Variants in ANO4 observed in about 807,000 individuals in gnomAD.
The protein encoded by ANO4 is anoctamin 4, also known as anoctamin-4.
Under a neutral mutation model 141.9 loss-of-function variants are expected in ANO4, and 69 were observed. That is an observed-to-expected ratio of 0.49 (90% CI 0.40 to 0.59). ANO4 has a LOEUF of 0.59. ANO4 is among the 20% of genes least tolerant of loss of function. The probability of loss-of-function intolerance (pLI) is 0.00; values close to 1 mark genes in which losing one functional copy is unlikely to be tolerated. For synonymous variants in ANO4, 350 were observed against 394.3 expected (o/e 0.89, Z 1.33); for missense variants, 894 against 1,162.2 (o/e 0.77, Z 3.36).
Position 100,803,943 on chromosome 12 carries a change from C to CT in ANO4, c.-141+8927dup, listed in dbSNP as rs1019965371. 6.9e-4 allele frequency among the ~76,000 whole-genome samples: 102 copies of CT among 147,254 alleles called. 1 individual carries two copies. In the East Asian group the frequency reaches 8.1e-3, roughly 12 times the overall value. On this transcript the variant is annotated intron_variant, in intron 1 of 27. Transcript: ENST00000392977. ...ATATGTATTTTCCCCCTTAGCAGAG[C>CT]TTTTTTTTTTTCTTCTTCAACTTTT... is the stretch of plus-strand genomic sequence containing the variant.
intron 25 of ANO4, among the ~76,000 whole-genome samples, chr12:101,119,706 A>G (rs1326613429): frequency 1.3e-5 from 2 of 152,216 alleles, no homozygotes; most frequent in African/African-American, 4.8e-5. Flanking sequence ...ACAAATGCAT[A>G]TACATATAAG....
At chr12:100,822,714 G>A (rs1334417912) in intron 1 of ANO4, among the ~76,000 whole-genome samples, 1 of 151,974 alleles carries the variant, frequency 6.6e-6, no homozygotes, top group African/African-American at 2.4e-5. Context: ...ACTTGATAAG[G>A]TGAGGTGAGG....
chr12:101,048,024 A>G (rs779065152), intron 13 of ANO4: 16 of 1,080,610 alleles, frequency 1.5e-5, no homozygotes, highest in Non-Finnish European at 1.8e-5. Context: ...AACTATATCC[A>G]TACACATATG....
intron 1 of ANO4, among the ~76,000 whole-genome samples, chr12:100,839,909 T>A (rs1190702702): frequency 6.6e-6 from 1 of 152,164 alleles, no homozygotes; most frequent in African/African-American, 2.4e-5. Flanking sequence ...ATAATCACAC[T>A]GCCCGTCTTC....
chr12:100,755,380 G>A lies in ANO4; in HGVS notation c.358+15275G>A, dbSNP rs80093727. ...ATGCTTCTTCCTGTGTGATCCCATA[G>A]CACCTTATTCAGATGATTAGCCACC... On this transcript the variant is annotated intron_variant, in intron 3 of 29. Transcript: ENST00000644049. 3.3e-5 allele frequency among the ~76,000 whole-genome samples: 5 copies of A among 152,258 alleles called. No individual in the cohort carries two copies. The East Asian group carries it at 9.7e-4, about 29-fold the overall frequency.
At chr12:100,845,770 G>A (rs1264458536) in intron 1 of ANO4, among the ~76,000 whole-genome samples, 1 of 152,170 alleles carries the variant, frequency 6.6e-6, no homozygotes, top group East Asian at 1.9e-4. Context: ...TTATCATAAT[G>A]TTGTTTTTAG....
Position 100,970,044 on chromosome 12 carries a change from G to A in ANO4, c.457-1262G>A, listed in dbSNP as rs566292827. On this transcript the variant is annotated intron_variant, in intron 5 of 27. Transcript: ENST00000392977. The stretch of plus-strand genomic sequence containing the variant: ...TGAAGTCCTAATTTTACTTCCCTAT[G>A]TTCTGGGTTGATAAAAAGCCCTGAA... 1.1e-3 allele frequency among the ~76,000 whole-genome samples: 170 copies of A among 152,238 alleles called. 1 individual carries two copies. The highest frequency in any genetic ancestry group is 9.7e-3 in the South Asian group (47 of 4,822).
At chr12:101,024,750 C>T (rs1336680479) in intron 9 of ANO4, among the ~76,000 whole-genome samples, 4 of 152,138 alleles carry the variant, frequency 2.6e-5, no homozygotes, top group Admixed American at 2.0e-4. Flanking sequence ...TAATTCATTA[C>T]AAAGGTATTT....
chr12:100,967,087 T>G (rs1460240968), intron 5 of ANO4, among the ~76,000 whole-genome samples: 1 of 152,090 alleles, frequency 6.6e-6, no homozygotes, highest in Non-Finnish European at 1.5e-5. Flanking sequence ...AAAAAAAATT[T>G]TGTGTGTGAA....
upstream of ANO4, among the ~76,000 whole-genome samples, chr12:100,792,867 G>A (rs573193548): frequency 2.0e-5 from 3 of 152,286 alleles, no homozygotes; most frequent in East Asian, 3.9e-4. Context: ...GTCAGAAGCC[G>A]TTAATGCAGA....
chr12:101,040,163 AAAGAGCCTG>A, intron 11 of ANO4, 87 bp downstream of exon 11: 1 of 1,479,678 alleles, frequency 6.8e-7, no homozygotes, highest in Non-Finnish European at 9.0e-7. Context: ...AATGAAGCAA[AAAGAGCCTG>A]AAGTGTACAG....
chr12:100,747,668 T>G (rs1206199337), intron 3 of ANO4, among the ~76,000 whole-genome samples: 4 of 151,978 alleles, frequency 2.6e-5, no homozygotes, highest in African/African-American at 9.7e-5. Context: ...AGGTCAGGAG[T>G]TCGAGATCAC....
chr12:100,740,171 C>T, intron 3 of ANO4: 2 of 684,880 alleles, frequency 2.9e-6, no homozygotes, highest in East Asian at 2.7e-5. Flanking sequence ...ATGCATTTGC[C>T]TGCTGAATAA....
intron 9 of ANO4, among the ~76,000 whole-genome samples, chr12:101,021,983 G>C (rs776983815): frequency 7.1e-6 from 1 of 140,530 alleles, no homozygotes; most frequent in African/African-American, 2.7e-5. Context: ...AAGAGGAACA[G>C]ATTTGAGAGT....
At chr12:100,740,234 A>G (rs938434498) in intron 3 of ANO4, 10 of 622,130 alleles carry the variant, frequency 1.6e-5, no homozygotes, top group African/African-American at 7.3e-5. Flanking sequence ...CAATACCTCT[A>G]TGTTCATACT....
At chr12:100,846,710 G>C (rs545070643) in intron 1 of ANO4, among the ~76,000 whole-genome samples, 1 of 152,224 alleles carries the variant, frequency 6.6e-6, no homozygotes, top group Non-Finnish European at 1.5e-5. Flanking sequence ...ATTCGATACT[G>C]TGCATAGGTA....
At chr12:101,120,115 T>C (rs1056116838) in intron 25 of ANO4, among the ~76,000 whole-genome samples, 1 of 152,096 alleles carries the variant, frequency 6.6e-6, no homozygotes, top group Non-Finnish European at 1.5e-5. Context: ...CTCTCTGCTG[T>C]CTCTGCTTTG....
chr12:100,814,211 T>C (rs12311571), intron 1 of ANO4, among the ~76,000 whole-genome samples: 31,868 of 152,108 alleles, frequency 0.21, 3,732 homozygotes, highest in African/African-American at 0.31. Flanking sequence ...AAAGGCAAAC[T>C]TTAAAAAAAT....
intron 1 of ANO4, among the ~76,000 whole-genome samples, chr12:100,821,850 G>A (rs79780223): frequency 0.041 from 6,222 of 152,040 alleles, 539 homozygotes; most frequent in East Asian, 0.22. Flanking sequence ...TGACATTGCC[G>A]TAGTATTAAC....
Sources: gnomAD v4.1 joint callset for allele counts (sites outside exome capture counted in the v4.1 genomes callset) on GRCh38, gnomAD v4.1.1 for gene constraint, MANE v1.5 for transcripts, NCBI Gene and HGNC (gene_info 2026-07-23, HGNC 2026-07-21) for gene names.